EHMT1: variants seen among roughly 807,000 people sequenced by gnomAD.
The protein encoded by EHMT1 is histone-lysine N-methyltransferase EHMT1.
A neutral mutation model predicts 147.2 loss-of-function variants in EHMT1; 15 were observed. The observed-to-expected ratio is 0.10, with a 90% CI of 0.07 to 0.16. The LOEUF is 0.16. Among genes scored for constraint, EHMT1 ranks in the 10% least tolerant of loss-of-function variants. The pLI is 1.00. For synonymous variants in EHMT1, 795 were observed against 709.6 expected, an observed-to-expected ratio of 1.12 and a Z score of -1.91; for missense variants, 1,587 against 1,772.4, an observed-to-expected ratio of 0.90 and a Z score of 1.88.
chr9:137,747,920 G>T (rs905591121), intron 6 of EHMT1: 3 of 152,172 alleles, frequency 2.0e-5, no homozygotes, highest in African/African-American at 7.2e-5. Flanking sequence ...CCTGTAGGAT[G>T]GTCATGTTTG....
chr9:137,626,643 G>A (rs181572195), intron 1 of EHMT1, among the ~76,000 whole-genome samples: 8 of 151,568 alleles, frequency 5.3e-5, no homozygotes, highest in African/African-American at 1.9e-4. Flanking sequence ...TTCCTTTAGT[G>A]TCTCATTGTC....
At chr9:137,688,647 A>G (rs1387757859) in intron 1 of EHMT1, among the ~76,000 whole-genome samples, 1 of 152,242 alleles carries the variant, frequency 6.6e-6, no homozygotes. Flanking sequence ...AATATTATGG[A>G]AATACTTAGA....
At chr9:137,715,015 T>G (rs1945086458) in intron 2 of EHMT1, among the ~76,000 whole-genome samples, 1 of 152,252 alleles carries the variant, frequency 6.6e-6, no homozygotes, top group Admixed American at 6.5e-5. Flanking sequence ...ATACTTTTTT[T>G]TCTTACATTT....
At chr9:137,802,198 G>A (rs901877797) in intron 18 of EHMT1, among the ~76,000 whole-genome samples, 2 of 152,310 alleles carry the variant, frequency 1.3e-5, no homozygotes, top group South Asian at 4.1e-4. Flanking sequence ...CACTGGGCAC[G>A]ACAGCAAGGG....
At chr9:137,803,306 G>T (rs1363328069) in intron 18 of EHMT1, 1 of 997,172 alleles carries the variant, frequency 1.0e-6, no homozygotes, top group Non-Finnish European at 1.2e-6. Context: ...CATTGTTGCT[G>T]TCGGAAGAGT....
intron 3 of EHMT1, among the ~76,000 whole-genome samples, chr9:137,726,786 A>T (rs1946675401): frequency 1.3e-5 from 2 of 152,174 alleles, no homozygotes; most frequent in African/African-American, 4.8e-5. Context: ...CTTTCCTAGT[A>T]GCCATCCATG....
intron 1 of EHMT1, among the ~76,000 whole-genome samples, chr9:137,677,811 C>A (rs1357061662): frequency 6.6e-6 from 1 of 151,900 alleles, no homozygotes; most frequent in East Asian, 1.9e-4. Flanking sequence ...GTAATCCCAG[C>A]ACTTTGGGAG....
chr9:137,743,230 C>T (rs889285705), intron 4 of EHMT1, 141 bp from the exon 5 acceptor site: 31 of 962,378 alleles, frequency 3.2e-5, no homozygotes, highest in African/African-American at 8.3e-5. Flanking sequence ...TGATGACCTG[C>T]GGGCAGTGGG....
chr9:137,752,317 G>C lies in EHMT1; in HGVS notation c.1171-14G>C. 1 of 1,614,102 alleles carries C rather than the reference G, an allele frequency of 6.2e-7. No individual in the cohort carries two copies. Among genetic ancestry groups the C allele is most frequent in the South Asian group, 1.1e-5 (1 of 91,048 alleles). The stretch of plus-strand genomic sequence containing the variant: ...TTCTGTTTGGGTTCCCGCTTCGACT[G>C]TGTGGCTGATCAGATGGACGGGGAG... On this transcript the variant is annotated splice_polypyrimidine_tract_variant and intron_variant, in intron 6 of 26. Coordinates refer to ENST00000460843, the MANE Select transcript of EHMT1 (RefSeq NM_024757.5).
chr9:137,681,725 C>A (rs1027876930), intron 1 of EHMT1, among the ~76,000 whole-genome samples: 3 of 152,166 alleles, frequency 2.0e-5, no homozygotes. Context: ...GTCTCCCCTG[C>A]ACCTCTGGAT....
intron 14 of EHMT1, among the ~76,000 whole-genome samples, chr9:137,780,843 G>A (rs2136819710): frequency 1.1e-5 from 1 of 93,220 alleles, no homozygotes; most frequent in Non-Finnish European, 2.2e-5. Flanking sequence ...GAGACGTGTG[G>A]TGATGACGCC....
intron 1 of EHMT1, among the ~76,000 whole-genome samples, chr9:137,666,566 C>T (rs1939676193): frequency 6.6e-6 from 1 of 152,236 alleles, no homozygotes. Flanking sequence ...GGCCGTGCCA[C>T]GGTGCAGCTG....
chr9:137,764,040 A>G (rs3125799), intron 10 of EHMT1: 151,465 of 152,738 alleles, frequency 0.99, 75,104 homozygotes, highest in East Asian at 1. Flanking sequence ...TGCTTTTCTA[A>G]AGTGTTCCCC....
intron 4 of EHMT1, 194 bp downstream of exon 4, chr9:137,728,723 A>C: frequency 4.5e-6 from 3 of 671,028 alleles, no homozygotes; most frequent in Non-Finnish European, 5.2e-6. Context: ...GCCTTGTCTC[A>C]TGCCAGCATT....
chr9:137,675,779 A>AT (rs781380107), intron 1 of EHMT1, among the ~76,000 whole-genome samples: 2,928 of 95,724 alleles, frequency 0.031, 242 homozygotes, highest in African/African-American at 0.096. Flanking sequence ...CGCCCGGCTA[A>AT]TTTTTTTTTT....
intron 2 of EHMT1, among the ~76,000 whole-genome samples, chr9:137,713,623 C>G (rs534582417): frequency 5.3e-5 from 8 of 151,182 alleles, no homozygotes; most frequent in African/African-American, 1.9e-4. Flanking sequence ...TTTAAAAATT[C>G]TTTTTCATTT....
chr9:137,695,729 C>G (rs1943347963), intron 1 of EHMT1, among the ~76,000 whole-genome samples: 1 of 152,242 alleles, frequency 6.6e-6, no homozygotes, highest in African/African-American at 2.4e-5. Flanking sequence ...ACAGAGCAAG[C>G]TAGCAAGGCA....
rs1034217617 is a variant in EHMT1, at chr9:137,689,937, G to A, written c.22-21030G>A. Among the ~76,000 whole-genome samples, 5 of 152,292 alleles carry A rather than the reference G, an allele frequency of 3.3e-5. No homozygotes were observed. In the East Asian group the frequency reaches 5.8e-4, roughly 18 times the overall value. Reference sequence around the variant, plus strand: ...GGAGTAGACGCGTGGAGATGAGGCCGAGGAACTCTGGTCAGTCGTGGTGAA... The same window carrying A: ...GGAGTAGACGCGTGGAGATGAGGCCAAGGAACTCTGGTCAGTCGTGGTGAA... On this transcript the variant is annotated intron_variant, in intron 1 of 26. Coordinates refer to ENST00000460843, the MANE Select transcript of EHMT1 (RefSeq NM_024757.5).
At chr9:137,791,456 A>G (rs1276528323) in intron 16 of EHMT1, among the ~76,000 whole-genome samples, 1 of 152,270 alleles carries the variant, frequency 6.6e-6, no homozygotes, top group Non-Finnish European at 1.5e-5. Flanking sequence ...GCATTTCTAT[A>G]TACTTTGAAT....
Sources: gnomAD v4.1 joint callset for allele counts (sites outside exome capture counted in the v4.1 genomes callset) on GRCh38, gnomAD v4.1.1 for gene constraint, MANE v1.5 for transcripts, NCBI Gene and HGNC (gene_info 2026-07-23, HGNC 2026-07-21) for gene names.